Variants in NEDD1 observed in about 807,000 individuals in gnomAD.
NEDD1 encodes NEDD1 gamma-tubulin ring complex targeting factor, also known as protein NEDD1.
A neutral mutation model predicts 74.0 loss-of-function variants in NEDD1; 33 were observed. The ratio of observed to expected loss-of-function variants is 0.45; its 90% CI spans 0.34 to 0.60. The LOEUF is 0.60. Among genes scored for constraint, NEDD1 ranks in the 20% least tolerant of loss-of-function variants. The pLI is 0.01. For synonymous variants in NEDD1, 250 were observed against 264.4 expected, an observed-to-expected ratio of 0.95 and a Z score of 0.53; for missense variants, 746 against 776.5, an observed-to-expected ratio of 0.96 and a Z score of 0.47.
rs758941625 is a variant in NEDD1, at chr12:96,944,745, T to C, written c.1604T>C (p.Ile535Thr). 6.3e-7 allele frequency: 1 copy of C among 1,596,934 alleles called. No individual in the cohort carries two copies. Among genetic ancestry groups the C allele is most frequent in the East Asian group, 2.3e-5 (1 of 43,898 alleles). Residue 535 changes from isoleucine (I) to threonine (T), a missense_variant, in exon 13 of 16, where the codon ATT (isoleucine) becomes ACT (threonine). Transcript: ENST00000266742. ...AAATTTGAAAAGCCAGAGAATGAAA[T>C]TGAAGCCCAGTTGATATGTGAACCC... ...SEKFEKPENE[I>T]EAQLICEPPI...
At chr12:96,909,955 A>G in intron 3 of NEDD1, 60 bp downstream of exon 3, 1 of 1,547,920 alleles carries the variant, frequency 6.5e-7, no homozygotes, top group South Asian at 1.2e-5. Context: ...TAGGTTAAAC[A>G]ACCACTGTCA....
chr12:96,946,202 A>C (rs1388555338), intron 14 of NEDD1, among the ~76,000 whole-genome samples: 3 of 152,172 alleles, frequency 2.0e-5, no homozygotes, highest in Non-Finnish European at 2.9e-5. Flanking sequence ...TGCTGTGTGC[A>C]ATAATGTAGT....
At chr12:96,934,822 G>A (rs1197551204) in intron 6 of NEDD1, among the ~76,000 whole-genome samples, 154 bp from the exon 7 acceptor site, 1 of 152,146 alleles carries the variant, frequency 6.6e-6, no homozygotes, top group Admixed American at 6.5e-5. Flanking sequence ...ACAGGCGTGA[G>A]CCACCACGTC....
intron 6 of NEDD1, among the ~76,000 whole-genome samples, chr12:96,923,310 C>A (rs1875310614): frequency 6.6e-6 from 1 of 151,938 alleles, no homozygotes. Flanking sequence ...TACAAGGTAG[C>A]TACTGTGAAT....
chr12:96,929,588 CACACACACACACAT>C (rs1294212965), intron 6 of NEDD1, among the ~76,000 whole-genome samples: 9 of 61,034 alleles, frequency 1.5e-4, no homozygotes, highest in Non-Finnish European at 2.3e-4. Context: ...CACACACACA[CACACACACACACAT>C]ATGTGTATAT....
intron 6 of NEDD1, 60 bp downstream of exon 6, chr12:96,920,185 A>G (rs1874916805): frequency 1.7e-5 from 18 of 1,037,828 alleles, no homozygotes; most frequent in African/African-American, 1.6e-5. Context: ...TGTATCTTAC[A>G]TAAGACTGTG....
At chr12:96,946,395 A>G (rs984176477) in intron 14 of NEDD1, among the ~76,000 whole-genome samples, 2 of 152,088 alleles carry the variant, frequency 1.3e-5, no homozygotes, top group African/African-American at 4.8e-5. Flanking sequence ...ATATTTTTGG[A>G]AGCTATCTTC....
At chr12:96,933,154 C>T (rs964306412) in intron 6 of NEDD1, among the ~76,000 whole-genome samples, 3 of 152,062 alleles carry the variant, frequency 2.0e-5, no homozygotes, top group Non-Finnish European at 4.4e-5. Flanking sequence ...TTGATAGATG[C>T]AAACAGATTC....
chr12:96,921,805 A>G (rs1875132893), intron 6 of NEDD1, among the ~76,000 whole-genome samples: 1 of 148,062 alleles, frequency 6.8e-6, no homozygotes, highest in East Asian at 2.0e-4. Flanking sequence ...TATTAGAGAC[A>G]GGGTCTCAGT....
intron 6 of NEDD1, among the ~76,000 whole-genome samples, chr12:96,930,841 C>T (rs148542228): frequency 6.6e-6 from 1 of 152,194 alleles, no homozygotes; most frequent in Non-Finnish European, 1.5e-5. Context: ...CATGCACACA[C>T]ACGTACACAT....
chr12:96,949,401 T>G (rs1878497829), intron 14 of NEDD1, among the ~76,000 whole-genome samples: 1 of 152,164 alleles, frequency 6.6e-6, no homozygotes, highest in Non-Finnish European at 1.5e-5. Flanking sequence ...AAGATTTTTG[T>G]AGAAAAACAT....
At chr12:96,917,910 CT>C (rs1298041044) in intron 5 of NEDD1, among the ~76,000 whole-genome samples, 173 bp downstream of exon 5, 1 of 152,002 alleles carries the variant, frequency 6.6e-6, no homozygotes, top group Non-Finnish European at 1.5e-5. Flanking sequence ...ATTTTTATGT[CT>C]TTTTTCTTAC....
chr12:96,938,153 A>G (rs541501800), intron 9 of NEDD1, among the ~76,000 whole-genome samples: 6 of 151,964 alleles, frequency 3.9e-5, no homozygotes, highest in Admixed American at 2.6e-4. Context: ...TGATTTTGCT[A>G]TTTCCAAGTA....
At position 96,927,233 on chromosome 12, in the gene NEDD1, A is replaced by G. The variant is rs575647098; in HGVS notation, c.489+7108A>G. On this transcript the variant is annotated intron_variant, in intron 6 of 15. Transcript: ENST00000266742. ...TCAAATCTTTAAAAATGATCAAATTAGTGTCTTAGTGAAAGTGATAGGAAT... is the reference window on the plus strand; with the variant it reads ...TCAAATCTTTAAAAATGATCAAATTGGTGTCTTAGTGAAAGTGATAGGAAT... 1.6e-3 allele frequency among the ~76,000 whole-genome samples: 243 copies of G among 152,344 alleles called. 1 individual carries two copies. The highest frequency in any genetic ancestry group is 5.5e-3 in the African/African-American group (229 of 41,580).
In NEDD1 at chr12:96,944,777, A is replaced by G; in HGVS notation, c.1636A>G (p.Asn546Asp). 1 of 1,564,464 alleles carries G rather than the reference A, an allele frequency of 6.4e-7. No homozygotes were observed. The highest frequency in any genetic ancestry group is 8.6e-7 in the Non-Finnish European group (1 of 1,160,846). Residue 546 changes from asparagine (N) to aspartate (D), a missense_variant, in exon 13 of 16, where the codon AAT becomes GAT. Transcript: ENST00000266742. ...EAQLICEPPI[N>D]GSSTPNPKIA... ...CCAGTTGATATGTGAACCCCCAATCAATGGATCCTCAACTCCAAGTAAGTA... is the reference window on the plus strand; with the variant it reads ...CCAGTTGATATGTGAACCCCCAATCGATGGATCCTCAACTCCAAGTAAGTA...
At chr12:96,940,021 G>A (rs770060687) in intron 9 of NEDD1, among the ~76,000 whole-genome samples, 3 of 152,024 alleles carry the variant, frequency 2.0e-5, no homozygotes, top group East Asian at 3.8e-4. Flanking sequence ...AATCACATTT[G>A]TAGATGATCA....
chr12:96,944,570 C>T, intron 12 of NEDD1, 69 bp from the exon 13 acceptor site: 1 of 942,466 alleles, frequency 1.1e-6, no homozygotes, highest in Non-Finnish European at 1.6e-6. Context: ...GAGAAGTAGG[C>T]AAAAATTATA....
At chr12:96,930,245 A>T (rs992156262) in intron 6 of NEDD1, among the ~76,000 whole-genome samples, 32 of 139,368 alleles carry the variant, frequency 2.3e-4, no homozygotes, top group South Asian at 1.2e-3. Context: ...TCTCTCTCTC[A>T]CACTCTCACA....
chr12:96,947,704 T>C (rs249591), intron 14 of NEDD1, among the ~76,000 whole-genome samples: 77,989 of 152,080 alleles, frequency 0.51, 20,672 homozygotes, highest in African/African-American at 0.63. Context: ...ATTTCTGCCC[T>C]GCTGCCAGCT....
Sources: allele counts gnomAD v4.1 joint callset (sites outside exome capture counted in the v4.1 genomes callset), GRCh38; gene constraint gnomAD v4.1.1; transcripts MANE v1.5; gene names NCBI Gene and HGNC (gene_info 2026-07-23, HGNC 2026-07-21).